SFXN3: variants seen among roughly 807,000 people sequenced by gnomAD.
SFXN3 encodes the protein sideroflexin 3, also known as sideroflexin-3.
A neutral mutation model predicts 40.4 loss-of-function variants in SFXN3; 31 were observed. The ratio of observed to expected loss-of-function variants is 0.77; its 90% confidence interval spans 0.58 to 1.04. SFXN3 has a LOEUF of 1.04. Ranked by LOEUF, SFXN3 falls within the 50% of genes least tolerant of loss-of-function variation. The pLI is 0.00. For synonymous variants in SFXN3, 157 were observed against 160.0 expected (o/e 0.98, Z 0.14); for missense variants, 366 against 408.2 (o/e 0.90, Z 0.89).
Position 101,039,808 on chromosome 10 carries a change from G to T in SFXN3, c.*223G>T. 1 of 585,910 alleles carries T rather than the reference G, an allele frequency of 1.7e-6. No individual in the cohort carries two copies. The highest frequency in any genetic ancestry group is 3.1e-6 in the Non-Finnish European group (1 of 326,464). 36.3% of individuals were successfully genotyped at this position (585,910 alleles called of 1,614,324 possible). A position where few individuals can be genotyped will look rare whatever the true frequency, so the allele number is the denominator to read the frequency against. On this transcript the variant is annotated 3_prime_UTR_variant, in exon 12 of 12. Transcript: ENST00000393459. This position sits in a 1 kb window ranked among gnomAD's most constrained non-coding sequence, Gnocchi z 4.6. ...AGAGCACATAACCCCTCCTGTGCTTGAGTGTCCATGCATATACATACATGA... is the reference window on the plus strand; with the variant it reads ...AGAGCACATAACCCCTCCTGTGCTTTAGTGTCCATGCATATACATACATGA...
rs765632890 is a variant in SFXN3, at chr10:101,039,166, C to T, written c.822-9C>T. 7.5e-6 allele frequency: 12 copies of T among 1,607,686 alleles called. No homozygotes were observed. The highest frequency in any genetic ancestry group is 9.4e-6 in the Non-Finnish European group (11 of 1,174,692). ...CTTTACAAACCTTTCCAACACTTGTCTCCCCCAGCCTGGTATTTGCAACCC... is the reference window on the plus strand; with the variant it reads ...CTTTACAAACCTTTCCAACACTTGTTTCCCCCAGCCTGGTATTTGCAACCC... On this transcript the variant is annotated splice_polypyrimidine_tract_variant and intron_variant, in intron 10 of 11. Transcript: ENST00000393459. The surrounding 1 kb of genome is among the most constrained non-coding windows in gnomAD (Gnocchi z 4.6).
chr10:101,036,053 C>A lies in SFXN3; in HGVS notation c.383C>A (p.Ala128Asp). The change falls in exon 5 of 12, where the codon GCC becomes GAC. Residue 128 changes from alanine to aspartate, a missense_variant. Transcript: ENST00000393459. This position sits in a 1 kb window ranked among gnomAD's most constrained non-coding sequence, Gnocchi z 4.2. ...CAGTGGGTGAATCAGTCCTTCAATG[C>A]CATTGTTAACTACTCCAACCGCAGT... 6.2e-7 allele frequency: 1 copy of A among 1,614,102 alleles called. No individual in the cohort carries two copies. Among genetic ancestry groups the A allele is most frequent in the South Asian group, 1.1e-5 (1 of 91,082 alleles).
chr10:101,032,281 G>A, intron 1 of SFXN3, 33 bp from the exon 2 acceptor site: 1 of 573,994 alleles, frequency 1.7e-6, no homozygotes, highest in South Asian at 2.4e-5. Context: ...CCAGGCTGGG[G>A]GCATCGCCTC....
At chr10:101,034,815 G>T (rs570845132) in exon 3 of SFXN3, 2 of 1,614,156 alleles carry the variant, frequency 1.2e-6, no homozygotes, top group Non-Finnish European at 1.7e-6. Flanking sequence ...GCTGTCCGGG[G>T]CACAGCTGGA....
chr10:101,033,884 A>G (rs1938451673), intron 2 of SFXN3, among the ~76,000 whole-genome samples: 1 of 152,046 alleles, frequency 6.6e-6, no homozygotes. Context: ...GTTTCTCTCC[A>G]CCCAAACATC....
At position 101,038,702 on chromosome 10, in the gene SFXN3, C is replaced by T; in HGVS notation, c.821+10C>T. Reference sequence around the variant, plus strand: ...GACTGGTGGGCTTCTGGTAAGTGTGCAAGGAGTTAGCTGGGGTGTGTGGGA... The same window carrying T: ...GACTGGTGGGCTTCTGGTAAGTGTGTAAGGAGTTAGCTGGGGTGTGTGGGA... On this transcript the variant is annotated intron_variant, in intron 10 of 11. Transcript: ENST00000393459. 1 of 1,609,264 alleles carries T rather than the reference C, an allele frequency of 6.2e-7. No homozygotes were observed.
At chr10:101,035,663 T>A (rs771125596) in exon 4 of SFXN3, 2 of 1,609,176 alleles carry the variant, frequency 1.2e-6, no homozygotes, top group East Asian at 4.5e-5. Context: ...GCTCACATTC[T>A]ACAGGCAGGT....
At chr10:101,032,513 T>C (rs1489718769) in intron 2 of SFXN3, 31 bp downstream of exon 2, 1 of 1,524,888 alleles carries the variant, frequency 6.6e-7, no homozygotes, top group Non-Finnish European at 8.8e-7. Flanking sequence ...GCGGGCGGGG[T>C]TCTGGAATGG....
At chr10:101,037,826 T>A in intron 9 of SFXN3, 1 of 1,096,736 alleles carries the variant, frequency 9.1e-7, no homozygotes, top group Non-Finnish European at 1.1e-6. Context: ...AGGAACAAGC[T>A]CTGGCTCATT....
chr10:101,035,744 G>A, intron 4 of SFXN3, 77 bp downstream of exon 4: 1 of 1,526,318 alleles, frequency 6.6e-7, no homozygotes, highest in Middle Eastern at 1.8e-4. Context: ...TCTTGTCTGG[G>A]CCAACTGGGT....
Position 101,039,477 on chromosome 10 carries a change from G to A in SFXN3, c.870-12G>A, listed in dbSNP as rs1035658847. The A allele has an allele frequency of 6.2e-7, 1 of 1,613,140 alleles. No homozygotes were observed. Among genetic ancestry groups the A allele is most frequent in the African/African-American group, 1.3e-5 (1 of 74,998 alleles). ...CAGGGGACGTTAACTGGCCTGTGCTGTTCTATTGCAGCTCCATACACATAA... is the reference window on the plus strand; with the variant it reads ...CAGGGGACGTTAACTGGCCTGTGCTATTCTATTGCAGCTCCATACACATAA... On this transcript the variant is annotated splice_polypyrimidine_tract_variant and intron_variant, in intron 11 of 11. Transcript: ENST00000393459. The surrounding 1 kb of genome is among the most constrained non-coding windows in gnomAD (Gnocchi z 4.6).
chr10:101,038,684 G>T, exon 10 of SFXN3: 1 of 1,611,766 alleles, frequency 6.2e-7, no homozygotes, highest in Non-Finnish European at 8.5e-7. Flanking sequence ...TGGGACTGGT[G>T]GGCTTCTGGT....
At chr10:101,037,350 T>C (rs1250633720) in intron 8 of SFXN3, 32 bp from the exon 9 acceptor site, 10 of 1,614,106 alleles carry the variant, frequency 6.2e-6, no homozygotes, top group Non-Finnish European at 8.5e-6. Flanking sequence ...CCACTACTAA[T>C]GTTCTCCTTC....
At position 101,036,732 on chromosome 10, in the gene SFXN3, C is replaced by A; in HGVS notation, c.517C>A (p.Pro173Thr). Reference sequence around the variant, plus strand: ...CACCCTTCCTCCCCAGCACCTGCCCCCCTTGGTCGGCAGATTTGTGCCCTT... The same window carrying A: ...CACCCTTCCTCCCCAGCACCTGCCCACCTTGGTCGGCAGATTTGTGCCCTT... The change falls in exon 7 of 12, where the codon CCC (proline) becomes ACC (threonine). Residue 173 changes from proline to threonine, a missense_variant. Coordinates refer to ENST00000393459, the Ensembl canonical transcript of SFXN3. This position sits in a 1 kb window ranked among gnomAD's most constrained non-coding sequence, Gnocchi z 4.2. 4 of 1,611,276 alleles carry A rather than the reference C, an allele frequency of 2.5e-6. No homozygotes were observed. Among genetic ancestry groups the A allele is most frequent in the South Asian group, 2.2e-5 (2 of 90,984 alleles).
intron 2 of SFXN3, 75 bp from the exon 3 acceptor site, chr10:101,034,617 G>A: frequency 1.3e-6 from 2 of 1,531,520 alleles, no homozygotes; most frequent in South Asian, 1.2e-5. Context: ...CCAGGGCAGG[G>A]GCACCAAAGA....
At chr10:101,035,617 C>T (rs1295418688) in exon 4 of SFXN3, 1 of 1,613,934 alleles carries the variant, frequency 6.2e-7, no homozygotes, top group East Asian at 2.2e-5. Flanking sequence ...GCATGTCAGC[C>T]CAGGTGCCCA....
rs1323117181 is a variant in SFXN3 at position 101,036,659 on chromosome 10, C to T, written c.508-64C>T. 1 of 1,609,060 alleles carries T rather than the reference C, an allele frequency of 6.2e-7. No individual in the cohort carries two copies. Among genetic ancestry groups the T allele is most frequent in the East Asian group, 2.2e-5 (1 of 44,706 alleles). ...GTTCTGACCTATATGCCCCCTATAT[C>T]TCCCCAGAGTCCCTCACCACCCCAT... On this transcript the variant is annotated intron_variant, in intron 6 of 11. Transcript: ENST00000393459. The surrounding 1 kb of genome is among the most constrained non-coding windows in gnomAD (Gnocchi z 4.2).
chr10:101,034,632 C>T, intron 2 of SFXN3, 60 bp from the exon 3 acceptor site: 3 of 1,579,128 alleles, frequency 1.9e-6, no homozygotes, highest in Middle Eastern at 4.2e-4. Flanking sequence ...CAAAGATTTC[C>T]CCTAGCTGGA....
Position 101,034,818 on chromosome 10 carries a change from C to T in SFXN3, c.124C>T (p.Gln42Ter), listed in dbSNP as rs777282256. Residue 42 changes from glutamine (Q) to a stop codon, truncating the protein, a stop_gained, in exon 3 of 12, where the codon CAG (glutamine) becomes TAG (stop). Transcript: ENST00000393459. LOFTEE classifies it high-confidence loss of function. ...TCGAAATCTGCTGCTGTCCGGGGCA[C>T]AGCTGGAAGCTTCTCGGAACATCGT... 3.1e-6 allele frequency: 5 copies of T among 1,614,226 alleles called. No individual in the cohort carries two copies. The highest frequency in any genetic ancestry group is 4.2e-6 in the Non-Finnish European group (5 of 1,180,030).
Sources: allele counts gnomAD v4.1 joint callset (sites outside exome capture counted in the v4.1 genomes callset), GRCh38; gene constraint gnomAD v4.1.1; non-coding constraint Gnocchi (gnomAD v3.1); transcripts MANE v1.5; gene names NCBI Gene and HGNC (gene_info 2026-07-23, HGNC 2026-07-21).